ARF4: variants seen among roughly 807,000 people sequenced by gnomAD.
The protein encoded by ARF4 is ADP-ribosylation factor 4.
Under a neutral mutation model 24.3 loss-of-function variants are expected in ARF4, and 5 were observed. That is an observed-to-expected ratio of 0.21 (90% CI 0.11 to 0.43). The LOEUF is 0.43. ARF4 is among the 20% of genes least tolerant of loss of function. The probability of loss-of-function intolerance (pLI) is 1.00; values close to 1 mark genes in which losing one functional copy is unlikely to be tolerated. For missense variants in ARF4, 107 were observed against 213.0 expected (o/e 0.50, Z 3.10); for synonymous variants, 62 against 73.5 (o/e 0.84, Z 0.80).
intron 1 of ARF4, among the ~76,000 whole-genome samples, chr3:57,595,592 T>C (rs540979223): frequency 4.6e-5 from 7 of 152,210 alleles, no homozygotes; most frequent in Non-Finnish European, 1.0e-4. Flanking sequence ...CTGTTACTCT[T>C]TATATACCTT....
chr3:57,593,772 C>T (rs892936317), intron 1 of ARF4, among the ~76,000 whole-genome samples: 5 of 152,088 alleles, frequency 3.3e-5, no homozygotes, highest in African/African-American at 7.2e-5. Flanking sequence ...CTCAGTGGCT[C>T]GCCCTGTAAC....
intron 3 of ARF4, among the ~76,000 whole-genome samples, chr3:57,579,475 A>G (rs1398019346): frequency 6.6e-6 from 1 of 151,686 alleles, no homozygotes; most frequent in Non-Finnish European, 1.5e-5. Context: ...TTTAGTAGAG[A>G]TGAGATTTTA....
At chr3:57,591,344 T>A (rs868428391) in intron 1 of ARF4, among the ~76,000 whole-genome samples, 1 of 152,064 alleles carries the variant, frequency 6.6e-6, no homozygotes, top group South Asian at 2.1e-4. Flanking sequence ...ATCCATACAA[T>A]GTAATTACTA....
At chr3:57,583,260 T>A (rs1452942288) in intron 3 of ARF4, among the ~76,000 whole-genome samples, 1 of 152,172 alleles carries the variant, frequency 6.6e-6, no homozygotes, top group Non-Finnish European at 1.5e-5. Flanking sequence ...CATATTAAAG[T>A]TTAAGAAACA....
rs922653177 is a variant in ARF4 at position 57,596,949 on chromosome 3, G to A, written c.67+125C>T. 1.5e-5 allele frequency: 15 copies of A among 1,018,724 alleles called. No individual in the cohort carries two copies. In the Admixed American group the frequency reaches 2.6e-4, roughly 18 times the overall value. The allele number at this position is 1,018,724 out of a possible 1,614,324, so 63.1% of individuals were successfully genotyped here. ...TTGTTCCCCCTTAAGAATTCCTTCC[G>A]ACCCCCGACCCGGCGCCCCTCCCCC... On this transcript the variant is annotated intron_variant, in intron 1 of 5. Coordinates refer to ENST00000303436, the MANE Select transcript of ARF4 (RefSeq NM_001660.4).
intron 3 of ARF4, among the ~76,000 whole-genome samples, chr3:57,577,592 T>C (rs559722969): frequency 9.3e-4 from 142 of 152,298 alleles, no homozygotes; most frequent in African/African-American, 3.2e-3. Context: ...ATCTAAAAAA[T>C]TTTTATTCTT....
At position 57,591,530 on chromosome 3, in the gene ARF4, G is replaced by A. The variant is rs1241301456; in HGVS notation, c.67+5544C>T. On this transcript the variant is annotated intron_variant, in intron 1 of 5. Transcript: ENST00000303436. ...CACCTAGGCTGGAGTGCAATGGCAC[G>A]ATCTCAGCTCACTGCAACCTCCACC... Among the ~76,000 whole-genome samples, 11 of 150,004 alleles carry A rather than the reference G, an allele frequency of 7.3e-5. 1 individual carries two copies. In the East Asian group the frequency reaches 7.8e-4, roughly 11 times the overall value.
chr3:57,576,282 CTG>C (rs1426217742), intron 4 of ARF4, among the ~76,000 whole-genome samples: 2 of 152,038 alleles, frequency 1.3e-5, no homozygotes, highest in African/African-American at 4.8e-5. Flanking sequence ...GAATAGGTGA[CTG>C]TATAAAGACA....
intron 1 of ARF4, among the ~76,000 whole-genome samples, chr3:57,585,420 CCT>C (rs1364902737): frequency 6.6e-6 from 1 of 152,016 alleles, no homozygotes; most frequent in Non-Finnish European, 1.5e-5. Context: ...CAATTTTACC[CCT>C]GCTTAAATCC....
chr3:57,592,670 T>C (rs2070129249), intron 1 of ARF4, among the ~76,000 whole-genome samples: 2 of 152,150 alleles, frequency 1.3e-5, no homozygotes, highest in South Asian at 2.1e-4. Context: ...ACTACTATAA[T>C]AATGCAAAAG....
chr3:57,575,578 T>C lies in ARF4; in HGVS notation c.426A>G (p.Lys142=), dbSNP rs148967593. 61 of 1,613,436 alleles carry C rather than the reference T, an allele frequency of 3.8e-5. No homozygotes were observed. The East Asian group carries it at 1.3e-3, about 35-fold the overall frequency. ...NAMAISEMTD[K]LGLQSLRNRT... ...TGTTACGAAGAGACTGAAGCCCTAG[T>C]TTATCTGTCATTTCACTGATGGCCA... The change falls in exon 5 of 6, where the codon AAA becomes AAG. Residue 142 remains lysine, a synonymous_variant. Transcript: ENST00000303436.
chr3:57,596,833 C>T (rs1303955343), intron 1 of ARF4: 2 of 512,984 alleles, frequency 3.9e-6, no homozygotes, highest in Non-Finnish European at 3.5e-6. Context: ...GAGAAAAAGC[C>T]GAGTCCAGAA....
chr3:57,577,529 T>C, intron 3 of ARF4, 142 bp from the exon 4 acceptor site: 1 of 646,784 alleles, frequency 1.5e-6, no homozygotes, highest in Admixed American at 2.8e-5. Context: ...GCTGTAATGC[T>C]AAAAGCTGAT....
At chr3:57,592,646 C>T (rs7644731) in intron 1 of ARF4, among the ~76,000 whole-genome samples, 125,766 of 152,064 alleles carry the variant, frequency 0.83, 52,321 homozygotes, top group East Asian at 1. Flanking sequence ...TCAAAGTTTC[C>T]GACAGCCTAT....
In ARF4 at chr3:57,597,341, G is replaced by T; in HGVS notation, c.-201C>A. On this transcript the variant is annotated 5_prime_UTR_variant, in exon 1 of 6. Coordinates refer to ENST00000303436, the MANE Select transcript of ARF4 (RefSeq NM_001660.4). ...TAAGCCGGTAGAGGACCTGCTAGGC[G>T]ACTGGCGCGGCAGCTCCGGCTCTAG... The T allele has an allele frequency of 2.0e-6, 1 of 508,962 alleles. No homozygotes were observed. The highest frequency in any genetic ancestry group is 3.5e-6 in the Non-Finnish European group (1 of 282,158). The allele number at this position is 508,962 out of a possible 1,614,324, so 31.5% of individuals were successfully genotyped here.
At chr3:57,591,154 GT>G (rs1252205477) in intron 1 of ARF4, among the ~76,000 whole-genome samples, 2 of 152,134 alleles carry the variant, frequency 1.3e-5, no homozygotes, top group African/African-American at 2.4e-5. Flanking sequence ...AAATGGAAAT[GT>G]TTGTCAGGTC....
At chr3:57,588,624 C>A (rs898508365) in intron 1 of ARF4, among the ~76,000 whole-genome samples, 8 of 147,594 alleles carry the variant, frequency 5.4e-5, no homozygotes, top group Non-Finnish European at 1.2e-4. Context: ...GAAGCCAAGG[C>A]GGGTGGATCA....
intron 5 of ARF4, 137 bp from the exon 6 acceptor site, chr3:57,572,435 T>G: frequency 3.2e-6 from 2 of 634,324 alleles, no homozygotes; most frequent in Non-Finnish European, 5.3e-6. Context: ...TAAAGCTACT[T>G]CTGGCTGGGC....
At chr3:57,580,467 C>T (rs542347391) in intron 3 of ARF4, among the ~76,000 whole-genome samples, 1 of 152,170 alleles carries the variant, frequency 6.6e-6, no homozygotes, top group Non-Finnish European at 1.5e-5. Context: ...AGAGGCGCAA[C>T]TGTAGCTCAC....
Sources: gnomAD v4.1 joint callset for allele counts (sites outside exome capture counted in the v4.1 genomes callset) on GRCh38, gnomAD v4.1.1 for gene constraint, MANE v1.5 for transcripts, NCBI Gene and HGNC (gene_info 2026-07-23, HGNC 2026-07-21) for gene names.